P2RY12: variants seen among roughly 807,000 people sequenced by gnomAD.
The protein encoded by P2RY12 is P2Y purinoceptor 12.
A neutral mutation model predicts 4.5 loss-of-function variants in P2RY12; 3 were observed. The observed-to-expected ratio is 0.67, with a 90% CI of 0.31 to 1.74. The LOEUF is 1.74. Among genes scored for constraint, P2RY12 ranks in the 40% most tolerant of loss-of-function variants. The pLI, the probability that P2RY12 is intolerant of heterozygous loss-of-function variation, is 0.09. For missense variants in P2RY12, 356 were observed against 407.8 expected, an observed-to-expected ratio of 0.87 and a Z score of 1.09; for synonymous variants, 148 against 154.1, an observed-to-expected ratio of 0.96 and a Z score of 0.29.
At chr3:151,353,892 A>T (rs559238080) in intron 1 of P2RY12, among the ~76,000 whole-genome samples, 1 of 152,162 alleles carries the variant, frequency 6.6e-6, no homozygotes, top group African/African-American at 2.4e-5. Context: ...CTGTAATCCC[A>T]GCACTTTGGG....
chr3:151,368,677 GTCATTTCATTTTATT>G (rs1358640608), intron 1 of P2RY12, among the ~76,000 whole-genome samples: 43 of 95,422 alleles, frequency 4.5e-4, no homozygotes, highest in African/African-American at 1.4e-3. Flanking sequence ...TTCATTTCAT[GTCATTTCATTTTATT>G]TCATTTCATT....
intron 1 of P2RY12, chr3:151,372,810 T>C: frequency 6.6e-7 from 1 of 1,504,836 alleles, no homozygotes; most frequent in Non-Finnish European, 9.2e-7. Flanking sequence ...ACGTAACTCT[T>C]CTTTTGGAGA....
In P2RY12 at chr3:151,337,646, T is replaced by C; in HGVS notation, c.*171A>G. ...TAGATTAGTTTTCTATATTTTAAGA[T>C]AGCTTTTCATACTGGAAAGGTAAAT... On this transcript the variant is annotated 3_prime_UTR_variant, in exon 3 of 3. Coordinates refer to ENST00000302632, the MANE Select transcript of P2RY12 (RefSeq NM_022788.5). 3.0e-6 allele frequency: 2 copies of C among 665,710 alleles called. No homozygotes were observed. Among genetic ancestry groups the C allele is most frequent in the Non-Finnish European group, 5.0e-6 (2 of 399,994 alleles). 41.2% of individuals were successfully genotyped at this position (665,710 alleles called of 1,614,324 possible). A position where few individuals can be genotyped will look rare whatever the true frequency, so the allele number is the denominator to read the frequency against.
At chr3:151,383,668 G>A in intron 1 of P2RY12, 1 of 651,058 alleles carries the variant, frequency 1.5e-6, no homozygotes, top group South Asian at 2.1e-5. Flanking sequence ...ATAAACTAGA[G>A]CATCCCTTGT....
chr3:151,338,381 G>A lies in P2RY12; in HGVS notation c.465C>T (p.Leu155=). The A allele has an allele frequency of 6.2e-7, 1 of 1,614,092 alleles. No homozygotes were observed. Among genetic ancestry groups the A allele is most frequent in the Non-Finnish European group, 8.5e-7 (1 of 1,180,008 alleles). Residue 155 remains leucine (L), a synonymous_variant, in exon 3 of 3, where the codon CTC becomes CTT. Transcript: ENST00000302632. The part of the protein sequence containing the change: ...SVVIWAFMFL[L]SLPNMILTNR... ...TGGTCAGAATCATGTTAGGCAAAGA[G>A]AGTAAGAACATGAATGCCCAGATGA...
chr3:151,377,002 T>C (rs757512592), intron 1 of P2RY12: 1 of 1,613,870 alleles, frequency 6.2e-7, no homozygotes, highest in Admixed American at 1.7e-5. Flanking sequence ...GCTCTGGTTC[T>C]GTGGCCGAAA....
chr3:151,355,243 G>A (rs368547003), intron 1 of P2RY12: 3 of 1,586,856 alleles, frequency 1.9e-6, no homozygotes, highest in Non-Finnish European at 2.6e-6. Context: ...ATCTCAGGTA[G>A]CTATTTAAAG....
chr3:151,384,468 T>C (rs1256788673), intron 1 of P2RY12, among the ~76,000 whole-genome samples: 4 of 152,212 alleles, frequency 2.6e-5, no homozygotes, highest in African/African-American at 9.6e-5. Context: ...AGAAATCCAC[T>C]GTTAAATATA....
intron 1 of P2RY12, chr3:151,382,710 A>G: frequency 6.2e-7 from 1 of 1,612,870 alleles, no homozygotes; most frequent in Non-Finnish European, 8.5e-7. Context: ...AGCGCGGCAG[A>G]TGATGCACGA....
At chr3:151,368,705 A>T (rs1489792612) in intron 1 of P2RY12, among the ~76,000 whole-genome samples, 1 of 32,124 alleles carries the variant, frequency 3.1e-5, no homozygotes. Context: ...ATTTCATTTC[A>T]TTTCATTTCA....
intron 1 of P2RY12, among the ~76,000 whole-genome samples, chr3:151,375,856 C>G (rs1756785480): frequency 6.6e-6 from 1 of 151,898 alleles, no homozygotes; most frequent in African/African-American, 2.4e-5. Context: ...AGCCAAAATG[C>G]TAAAAATTTT....
In P2RY12 at chr3:151,337,735, G is replaced by T. The variant is rs1405123425; in HGVS notation, c.*82C>A. 2.2e-6 allele frequency: 3 copies of T among 1,379,518 alleles called. No homozygotes were observed. Among genetic ancestry groups the T allele is most frequent in the Non-Finnish European group, 2.0e-6 (2 of 986,260 alleles). The allele number at this position is 1,379,518 out of a possible 1,614,324, so 85.5% of individuals were successfully genotyped here. The stretch of plus-strand genomic sequence containing the variant: ...TTATTATTAACTTAGTTGCTTCTTC[G>T]TCAGTTAATATTTTTACTTAGCGCT... On this transcript the variant is annotated 3_prime_UTR_variant, in exon 3 of 3. Coordinates refer to ENST00000302632, the MANE Select transcript of P2RY12 (RefSeq NM_022788.5).
chr3:151,340,379 A>G (rs1751658309), intron 2 of P2RY12, among the ~76,000 whole-genome samples: 1 of 152,084 alleles, frequency 6.6e-6, no homozygotes, highest in African/African-American at 2.4e-5. Flanking sequence ...TTTTATTTCT[A>G]TGCTTTGTAT....
At chr3:151,357,401 G>A in intron 1 of P2RY12, 2 of 1,536,718 alleles carry the variant, frequency 1.3e-6, no homozygotes, top group Non-Finnish European at 8.8e-7. Flanking sequence ...TGTCATTGTT[G>A]TTTTTCCAAT....
intron 1 of P2RY12, among the ~76,000 whole-genome samples, chr3:151,356,633 G>T (rs571010340): frequency 2.1e-4 from 31 of 150,750 alleles, no homozygotes; most frequent in Middle Eastern, 6.8e-3. Context: ...GTTTTTTTTT[G>T]TTGTTGTTGT....
intron 1 of P2RY12, chr3:151,369,609 T>C: frequency 8.9e-7 from 1 of 1,123,148 alleles, no homozygotes; most frequent in Non-Finnish European, 1.3e-6. Flanking sequence ...GCAAAATAAT[T>C]TATTTTCAGG....
intron 1 of P2RY12, chr3:151,350,112 C>G: frequency 6.2e-7 from 1 of 1,612,890 alleles, no homozygotes; most frequent in South Asian, 1.1e-5. Context: ...TCTATGGAGT[C>G]GGCAAAGAGC....
At position 151,337,612 on chromosome 3, in the gene P2RY12, G is replaced by T. The variant is rs1328386199; in HGVS notation, c.*205C>A. On this transcript the variant is annotated 3_prime_UTR_variant, in exon 3 of 3. Transcript: ENST00000302632. The stretch of plus-strand genomic sequence containing the variant: ...TGTCGTTTGTTTTGCTGCTAATACA[G>T]CTACAGTTTAGATTAGTTTTCTATA... 1.7e-6 allele frequency: 1 copy of T among 571,614 alleles called. No individual in the cohort carries two copies. Among genetic ancestry groups the T allele is most frequent in the Admixed American group, 3.4e-5 (1 of 29,242 alleles). The allele number at this position is 571,614 out of a possible 1,614,324, so 35.4% of individuals were successfully genotyped here.
intron 1 of P2RY12, chr3:151,384,155 T>C (rs1560108233): frequency 1.2e-6 from 2 of 1,614,058 alleles, no homozygotes; most frequent in Admixed American, 1.7e-5. Flanking sequence ...ACCTATCAAA[T>C]GCATCCCCTG....
Sources: allele counts gnomAD v4.1 joint callset (sites outside exome capture counted in the v4.1 genomes callset), GRCh38; gene constraint gnomAD v4.1.1; transcripts MANE v1.5; gene names NCBI Gene and HGNC (gene_info 2026-07-23, HGNC 2026-07-21).